The following GGNBP2 variants were observed in gnomAD, a reference collection of about 807,000 sequenced individuals.
GGNBP2 encodes gametogenetin binding protein 2, also known as gametogenetin-binding protein 2.
GGNBP2 carries 10 observed loss-of-function variants against 85.9 expected under a neutral mutation model. The observed-to-expected ratio is 0.12, with a 90% confidence interval of 0.07 to 0.20. The LOEUF (loss-of-function observed/expected upper bound fraction) is 0.20, where lower values mean the gene tolerates loss of function less well. Among genes scored for constraint, GGNBP2 ranks in the 10% least tolerant of loss-of-function variants. GGNBP2 has a pLI of 1.00. For missense variants in GGNBP2, 595 were observed against 857.8 expected (o/e 0.69, Z 3.83); for synonymous variants, 287 against 285.7 (o/e 1.00, Z -0.05).
At chr17:36,553,732 T>C (rs1469841542) in intron 2 of GGNBP2, among the ~76,000 whole-genome samples, 1 of 152,208 alleles carries the variant, frequency 6.6e-6, no homozygotes, top group East Asian at 1.9e-4. Context: ...GTTACTTTCA[T>C]TGTTTTGAAG....
chr17:36,566,546 G>A (rs1188363235), intron 5 of GGNBP2, among the ~76,000 whole-genome samples: 1 of 151,980 alleles, frequency 6.6e-6, no homozygotes, highest in East Asian at 1.9e-4. Flanking sequence ...TGGTGTGGTG[G>A]TACACGCCTA....
chr17:36,588,627 G>A (rs1410320348), intron 13 of GGNBP2, among the ~76,000 whole-genome samples: 2 of 148,648 alleles, frequency 1.3e-5, no homozygotes, highest in Non-Finnish European at 3.0e-5. Flanking sequence ...GAGGAGTCTC[G>A]CTCTGTCGCC....
chr17:36,561,736 GC>G (rs901500613), intron 5 of GGNBP2, among the ~76,000 whole-genome samples: 56 of 152,022 alleles, frequency 3.7e-4, no homozygotes, highest in African/African-American at 1.1e-3. Context: ...CTGTTCTCCT[GC>G]CCCAGCCTCC....
intron 6 of GGNBP2, among the ~76,000 whole-genome samples, chr17:36,570,743 G>C (rs987094381): frequency 6.6e-6 from 1 of 152,010 alleles, no homozygotes; most frequent in Non-Finnish European, 1.5e-5. Context: ...GGTAGAGGCC[G>C]GGCATGGTGG....
intron 6 of GGNBP2, 122 bp downstream of exon 6, chr17:36,567,898 C>G: frequency 1.9e-6 from 1 of 517,054 alleles, no homozygotes; most frequent in African/African-American, 2.0e-5. Flanking sequence ...ATACTTGGCA[C>G]TAGGCGGAGC....
Position 36,587,054 on chromosome 17 carries a change from A to G in GGNBP2, c.1699A>G (p.Thr567Ala). The part of the protein sequence containing the change: ...DPGNRETSGN[T>A]MHTVFHRDKT... ...AGGTAATCGAGAGACCTCAGGAAAT[A>G]CCATGCACACAGTGTTTCACCGTGA... Residue 567 changes from threonine (T) to alanine (A), a missense_variant, in exon 13 of 14, where the codon ACC becomes GCC. Physicochemically the swap from Thr to Ala is moderately conservative, Grantham distance 58. Coordinates refer to ENST00000613102, the MANE Select transcript of GGNBP2 (RefSeq NM_024835.5). The G allele has an allele frequency of 1.2e-6, 2 of 1,613,904 alleles. No homozygotes were observed. Among genetic ancestry groups the G allele is most frequent in the East Asian group, 2.2e-5 (1 of 44,878 alleles).
Position 36,578,154 on chromosome 17 carries a change from T to C in GGNBP2, c.813T>C (p.Leu271=). ...GTGAAACAGACTTCATTGCACATCT[T>C]TTGGGTCGTGCTGAGCCAGAGTTCG... ...VCCETDFIAH[L]LGRAEPEFAG... The change falls in exon 7 of 14, where the codon CTT becomes CTC. Residue 271 remains leucine, a synonymous_variant. Transcript: ENST00000613102. 1.2e-6 allele frequency: 2 copies of C among 1,613,204 alleles called. No individual in the cohort carries two copies. The highest frequency in any genetic ancestry group is 1.7e-6 in the Non-Finnish European group (2 of 1,179,192).
intron 2 of GGNBP2, among the ~76,000 whole-genome samples, chr17:36,553,502 G>A (rs2074331018): frequency 6.6e-6 from 1 of 152,226 alleles, no homozygotes; most frequent in South Asian, 2.1e-4. Flanking sequence ...TATTAAAGAA[G>A]CAGGTCTCTG....
At chr17:36,566,680 CA>C (rs60798466) in intron 5 of GGNBP2, among the ~76,000 whole-genome samples, 142 of 134,554 alleles carry the variant, frequency 1.1e-3, no homozygotes, top group Middle Eastern at 3.8e-3. Flanking sequence ...GAATCTGTCT[CA>C]AAAAAAAAAA....
intron 13 of GGNBP2, chr17:36,587,518 C>G (rs1446351768): frequency 1.3e-5 from 5 of 376,032 alleles, no homozygotes; most frequent in Non-Finnish European, 2.5e-5. Context: ...CCAATAAACC[C>G]ATTATAACTC....
chr17:36,554,027 C>T (rs2074336250), intron 2 of GGNBP2, among the ~76,000 whole-genome samples: 1 of 151,948 alleles, frequency 6.6e-6, no homozygotes, highest in South Asian at 2.1e-4. Context: ...TTACTATGTG[C>T]CAGGCAGGTA....
rs1323551699 is a variant in GGNBP2 at position 36,586,380 on chromosome 17, A to C, written c.1641+182A>C. ...TGGGTTGGGGGCAGAGAGAGATGTG[A>C]TCATTTGTGCAACAGTCCTTGTGAG... is the stretch of plus-strand genomic sequence containing the variant. On this transcript the variant is annotated intron_variant, in intron 12 of 13. Coordinates refer to ENST00000613102, the MANE Select transcript of GGNBP2 (RefSeq NM_024835.5). 1.2e-5 allele frequency: 8 copies of C among 640,998 alleles called. No individual in the cohort carries two copies. In the Admixed American group the frequency reaches 2.4e-4, roughly 19 times the overall value. The allele number at this position is 640,998 out of a possible 1,614,324, so 39.7% of individuals were successfully genotyped here.
At chr17:36,564,644 A>G (rs1024269143) in intron 5 of GGNBP2, among the ~76,000 whole-genome samples, 13 of 152,206 alleles carry the variant, frequency 8.5e-5, no homozygotes, top group African/African-American at 3.1e-4. Context: ...ATAGAATAGC[A>G]GGCTAAGCAG....
At chr17:36,574,883 C>T (rs1259891566) in intron 6 of GGNBP2, 23 of 742,168 alleles carry the variant, frequency 3.1e-5, no homozygotes, top group Non-Finnish European at 5.0e-5. Flanking sequence ...GATGATGGCC[C>T]CGTGGATGGC....
rs1281177549 is a variant in GGNBP2 at position 36,558,401 on chromosome 17, T to G, written c.428+1065T>G. On this transcript the variant is annotated intron_variant, in intron 4 of 13. Transcript: ENST00000613102. The stretch of plus-strand genomic sequence containing the variant: ...TGCACTCCAGCCTGGGCAACAAGAG[T>G]AAAGCTCCATCTCAAAAAAAAAAAA... Among the ~76,000 whole-genome samples, 3 of 45,554 alleles carry G rather than the reference T, an allele frequency of 6.6e-5. No individual in the cohort carries two copies. The Admixed American group carries it at 1.0e-3, about 15-fold the overall frequency. The allele number at this position is 45,554 out of a possible 152,430, so 29.9% of individuals were successfully genotyped here.
chr17:36,565,334 GA>G (rs1209564687), intron 5 of GGNBP2, among the ~76,000 whole-genome samples: 2 of 152,134 alleles, frequency 1.3e-5, no homozygotes, highest in African/African-American at 4.8e-5. Context: ...AGCAGAATCA[GA>G]AAGTGGAAAG....
At chr17:36,579,109 AT>A (rs1333871757) in intron 7 of GGNBP2, 135 bp from the exon 8 acceptor site, 1 of 675,848 alleles carries the variant, frequency 1.5e-6, no homozygotes, top group Non-Finnish European at 2.6e-6. Flanking sequence ...ATAGCAACAT[AT>A]ACGTTGAGTG....
chr17:36,586,143 A>G lies in GGNBP2; in HGVS notation c.1586A>G (p.Lys529Arg). ...GCAAATTCTGAAGAGAACGACACAA[A>G]AGGAAAAAATAAAAAGAAGAAGAAG... ...CWANSEENDTKGKNKKKKKKS... is the reference protein window; with the variant it reads ...CWANSEENDTRGKNKKKKKKS... Residue 529 changes from lysine (K) to arginine (R), a missense_variant, in exon 12 of 14, where the codon AAA (lysine) becomes AGA (arginine). This residue lies in a region of GGNBP2 where 9 missense variants were observed against 29.8 expected (regional missense o/e 0.30). Coordinates refer to ENST00000613102, the MANE Select transcript of GGNBP2 (RefSeq NM_024835.5). The G allele has an allele frequency of 6.2e-7, 1 of 1,614,046 alleles. No homozygotes were observed. Among genetic ancestry groups the G allele is most frequent in the East Asian group, 2.2e-5 (1 of 44,884 alleles).
chr17:36,584,248 A>G (rs1248306550), intron 9 of GGNBP2, among the ~76,000 whole-genome samples: 1 of 152,234 alleles, frequency 6.6e-6, no homozygotes, highest in Non-Finnish European at 1.5e-5. Flanking sequence ...TTCCAGGAAA[A>G]AAGTTCAGCT....
Sources: gnomAD v4.1 joint callset for allele counts (sites outside exome capture counted in the v4.1 genomes callset) on GRCh38, gnomAD v4.1.1 for gene constraint, gnomAD v4.1.1 regional missense constraint, MANE v1.5 for transcripts, NCBI Gene and HGNC (gene_info 2026-07-23, HGNC 2026-07-21) for gene names.